LCN2: variants seen among roughly 807,000 people sequenced by gnomAD.
LCN2 encodes the protein lipocalin 2, also known as neutrophil gelatinase-associated lipocalin.
In LCN2, 27 loss-of-function variants were observed where a neutral mutation model predicts 26.4. The observed-to-expected ratio is 1.02, with a 90% CI of 0.76 to 1.41. The LOEUF (loss-of-function observed/expected upper bound fraction) is 1.41, where lower values mean the gene tolerates loss of function less well. Among genes scored for constraint, LCN2 ranks in the 40% most tolerant of loss-of-function variants. The pLI is 0.00. For synonymous variants in LCN2, 94 were observed against 98.9 expected, an observed-to-expected ratio of 0.95 and a Z score of 0.30; for missense variants, 224 against 237.6, an observed-to-expected ratio of 0.94 and a Z score of 0.38.
rs889515064 is a variant in LCN2, at chr9:128,149,550, G to C, written c.25G>C (p.Gly9Arg). The C allele has an allele frequency of 6.2e-7, 1 of 1,613,608 alleles. No individual in the cohort carries two copies. Among genetic ancestry groups the C allele is most frequent in the East Asian group, 2.2e-5 (1 of 44,866 alleles). Residue 9 changes from glycine (G) to arginine (R), a missense_variant, in exon 1 of 7, where the codon GGC (glycine) becomes CGC (arginine). Gly to Arg is a moderately radical substitution (Grantham distance 125). Transcript: ENST00000277480. MPLGLLWL[G>R]LALLGALHAQ... ...CATGCCCCTAGGTCTCCTGTGGCTG[G>C]GCCTAGCCCTGTTGGGGGCTCTGCA...
In LCN2 at chr9:128,152,245, G is replaced by T. The variant is rs1835016168; in HGVS notation, c.538G>T (p.Gly180Cys). 6.2e-7 allele frequency: 1 copy of T among 1,613,946 alleles called. No homozygotes were observed. The highest frequency in any genetic ancestry group is 1.3e-5 in the African/African-American group (1 of 74,936). Residue 180 changes from glycine to cysteine, a missense_variant, in exon 5 of 7, where the codon GGC becomes TGC. Coordinates refer to ENST00000277480, the MANE Select transcript of LCN2 (RefSeq NM_005564.5). ...CTTCATCCGCTTCTCCAAATCTCTGGGCCTCCCTGAAAACCACATCGTCTT... is the reference window on the plus strand; with the variant it reads ...CTTCATCCGCTTCTCCAAATCTCTGTGCCTCCCTGAAAACCACATCGTCTT... ...ENFIRFSKSL[G>C]LPENHIVFPV...
In LCN2 at chr9:128,152,302, T is replaced by C. The variant is rs113469275; in HGVS notation, c.577+18T>C. On this transcript the variant is annotated intron_variant, in intron 5 of 6. Coordinates refer to ENST00000277480, the MANE Select transcript of LCN2 (RefSeq NM_005564.5). The stretch of plus-strand genomic sequence containing the variant: ...CCCAATCGGTAATGGCCAGTCTGGA[T>C]GAGGGGACGGGGACATGGGGACTGT... 6.2e-6 allele frequency: 10 copies of C among 1,604,632 alleles called. No homozygotes were observed. The highest frequency in any genetic ancestry group is 3.3e-4 in the Middle Eastern group (2 of 6,050).
At position 128,153,178 on chromosome 9, in the gene LCN2, T is replaced by G; in HGVS notation, c.*7+52T>G. On this transcript the variant is annotated intron_variant, in intron 6 of 6. Transcript: ENST00000277480. The surrounding 1 kb of genome is among the most constrained non-coding windows in gnomAD (Gnocchi z 5.4). ...GGGCTTGTGGGAGGCCAGGGTGCAG[T>G]GGGCTGGGGGTCTTGGGCCTGCCTT... 6.2e-7 allele frequency: 1 copy of G among 1,609,818 alleles called. No individual in the cohort carries two copies. The highest frequency in any genetic ancestry group is 8.5e-7 in the Non-Finnish European group (1 of 1,176,852).
chr9:128,150,548 C>T (rs749908589), intron 2 of LCN2, 174 bp downstream of exon 2: 1 of 821,902 alleles, frequency 1.2e-6, no homozygotes. Context: ...TGCAGACACA[C>T]AGACAGTGGT....
At chr9:128,152,057 C>CAGGA in intron 4 of LCN2, 32 bp downstream of exon 4, 1 of 1,613,634 alleles carries the variant, frequency 6.2e-7, no homozygotes, top group Non-Finnish European at 8.5e-7. Context: ...CGGGGACTGG[C>CAGGA]TCCTGATCAC....
At chr9:128,152,401 T>A in intron 5 of LCN2, 117 bp downstream of exon 5, 6 of 888,426 alleles carry the variant, frequency 6.8e-6, no homozygotes, top group Non-Finnish European at 1.1e-5. Flanking sequence ...ACTGGAGCAG[T>A]GGATGGTCCA....
chr9:128,153,154 G>A lies in LCN2; in HGVS notation c.*7+28G>A, dbSNP rs1322345652. 23 of 1,613,834 alleles carry A rather than the reference G, an allele frequency of 1.4e-5. No homozygotes were observed. The highest frequency in any genetic ancestry group is 1.9e-5 in the Non-Finnish European group (23 of 1,179,922). The stretch of plus-strand genomic sequence containing the variant: ...GAGTGTGGCTGGGCGGCTGCGAGGG[G>A]GCTTGTGGGAGGCCAGGGTGCAGTG... On this transcript the variant is annotated intron_variant, in intron 6 of 6. Coordinates refer to ENST00000277480, the MANE Select transcript of LCN2 (RefSeq NM_005564.5). This position sits in a 1 kb window ranked among gnomAD's most constrained non-coding sequence, Gnocchi z 5.4.
chr9:128,151,444 C>T (rs888963668), intron 2 of LCN2, 194 bp from the exon 3 acceptor site: 2 of 627,412 alleles, frequency 3.2e-6, no homozygotes, highest in Admixed American at 5.4e-5. Flanking sequence ...CTGGTGTCAG[C>T]TCAGGGAGAA....
rs777669542 is a variant in LCN2 at position 128,151,701 on chromosome 9, G to A, written c.339G>A (p.Thr113=). 2.8e-5 allele frequency: 45 copies of A among 1,613,910 alleles called. No individual in the cohort carries two copies. The highest frequency in any genetic ancestry group is 1.5e-4 in the South Asian group (14 of 91,088). Residue 113 remains threonine, a synonymous_variant, in exon 3 of 7, where the codon ACG becomes ACA. Coordinates refer to ENST00000277480, the MANE Select transcript of LCN2 (RefSeq NM_005564.5). ...CAGGTTGCCAGCCCGGCGAGTTCACGCTGGGCAACATTAAGAGTGAGTCTT... is the reference window on the plus strand; with the variant it reads ...CAGGTTGCCAGCCCGGCGAGTTCACACTGGGCAACATTAAGAGTGAGTCTT... ...FVPGCQPGEF[T]LGNIKSYPGL...
At position 128,153,311 on chromosome 9, in the gene LCN2, G is replaced by C. The variant is rs1260371935; in HGVS notation, c.*8G>C. On this transcript the variant is annotated splice_region_variant and 3_prime_UTR_variant, in exon 7 of 7. Coordinates refer to ENST00000277480, the MANE Select transcript of LCN2 (RefSeq NM_005564.5). The surrounding 1 kb of genome is among the most constrained non-coding windows in gnomAD (Gnocchi z 5.4). The stretch of plus-strand genomic sequence containing the variant: ...CACCCTCATATCCACCTCTGTCCAG[G>C]GTGCCGCCAGCTGCCGCACCAGCCC... 2.9e-6 allele frequency: 2 copies of C among 695,820 alleles called. No homozygotes were observed. Among genetic ancestry groups the C allele is most frequent in the Non-Finnish European group, 4.9e-6 (2 of 404,172 alleles). 43.1% of individuals were successfully genotyped at this position (695,820 alleles called of 1,614,324 possible).
chr9:128,151,674 T>C lies in LCN2; in HGVS notation c.312T>C (p.Val104=). The C allele has an allele frequency of 6.2e-7, 1 of 1,614,100 alleles. No homozygotes were observed. Residue 104 remains valine (V), a synonymous_variant, in exon 3 of 7, where the codon GTT becomes GTC. Coordinates refer to ENST00000277480, the MANE Select transcript of LCN2 (RefSeq NM_005564.5). ...GTGACTACTGGATCAGGACTTTTGT[T>C]CCAGGTTGCCAGCCCGGCGAGTTCA... The part of the protein sequence containing the change: ...KKCDYWIRTF[V]PGCQPGEFTL...
At chr9:128,151,197 G>A (rs1052615322) in intron 2 of LCN2, among the ~76,000 whole-genome samples, 4 of 152,080 alleles carry the variant, frequency 2.6e-5, no homozygotes, top group African/African-American at 7.2e-5. Context: ...GGTTTGACCC[G>A]AGAGCTAGGG....
rs1470495540 is a variant in LCN2, at chr9:128,150,265, C to T, written c.166C>T (p.Leu56=). ...QFQGKWYVVG[L]AGNAILREDK... is the part of the protein sequence containing the mutation. ...CCAGGGGAAGTGGTATGTGGTAGGC[C>T]TGGCAGGGAATGCAATTCTCAGAGA... The change falls in exon 2 of 7, where the codon CTG becomes TTG. Residue 56 remains leucine (L), a synonymous_variant. Coordinates refer to ENST00000277480, the MANE Select transcript of LCN2 (RefSeq NM_005564.5). 6.2e-7 allele frequency: 1 copy of T among 1,614,056 alleles called. No homozygotes were observed. The highest frequency in any genetic ancestry group is 8.5e-7 in the Non-Finnish European group (1 of 1,180,006).
At position 128,153,180 on chromosome 9, in the gene LCN2, G is replaced by A. The variant is rs1829158231; in HGVS notation, c.*7+54G>A. 1 of 1,608,554 alleles carries A rather than the reference G, an allele frequency of 6.2e-7. No individual in the cohort carries two copies. Among genetic ancestry groups the A allele is most frequent in the African/African-American group, 1.3e-5 (1 of 74,758 alleles). On this transcript the variant is annotated intron_variant, in intron 6 of 6. Transcript: ENST00000277480. This position sits in a 1 kb window ranked among gnomAD's most constrained non-coding sequence, Gnocchi z 5.4. ...GCTTGTGGGAGGCCAGGGTGCAGTG[G>A]GCTGGGGGTCTTGGGCCTGCCTTTG...
At chr9:128,152,347 A>G in intron 5 of LCN2, 63 bp downstream of exon 5, 3 of 1,413,090 alleles carry the variant, frequency 2.1e-6, no homozygotes, top group Non-Finnish European at 3.0e-6. Flanking sequence ...ATGCTTCCCT[A>G]CCAGGGATCA....
rs1221594051 is a variant in LCN2, at chr9:128,149,482, G to A, written c.-44G>A. The A allele has an allele frequency of 6.6e-7, 1 of 1,526,656 alleles. No individual in the cohort carries two copies. The allele number at this position is 1,526,656 out of a possible 1,614,324, so 94.6% of individuals were successfully genotyped here. ...GCCACCTCCTCTTCCACCCCTGCCA[G>A]GCCCAGCAGCCACCACAGCGCCTGC... On this transcript the variant is annotated 5_prime_UTR_variant, in exon 1 of 7. Coordinates refer to ENST00000277480, the MANE Select transcript of LCN2 (RefSeq NM_005564.5).
intron 2 of LCN2, 110 bp from the exon 3 acceptor site, chr9:128,151,528 C>G: frequency 1.2e-6 from 1 of 848,958 alleles, no homozygotes; most frequent in Non-Finnish European, 2.0e-6. Flanking sequence ...CGGGTTGGGC[C>G]GGACTGAGAG....
At chr9:128,150,428 G>A (rs568115925) in intron 2 of LCN2, 54 bp downstream of exon 2, 15 of 1,612,188 alleles carry the variant, frequency 9.3e-6, no homozygotes, top group Admixed American at 6.7e-5. Flanking sequence ...TCACAGGCAA[G>A]GGATGGCCAA....
In LCN2 at chr9:128,152,249, T is replaced by C; in HGVS notation, c.542T>C (p.Leu181Pro). The change falls in exon 5 of 7, where the codon CTC becomes CCC. Residue 181 changes from leucine to proline, a missense_variant. Leu to Pro is a moderately conservative substitution (Grantham distance 98). Coordinates refer to ENST00000277480, the MANE Select transcript of LCN2 (RefSeq NM_005564.5). ...ATCCGCTTCTCCAAATCTCTGGGCC[T>C]CCCTGAAAACCACATCGTCTTCCCT... is the stretch of plus-strand genomic sequence containing the variant. Reference protein sequence around the residue: ...NFIRFSKSLGLPENHIVFPVP... With the variant: ...NFIRFSKSLGPPENHIVFPVP... 2 of 1,614,060 alleles carry C rather than the reference T, an allele frequency of 1.2e-6. No homozygotes were observed. Among genetic ancestry groups the C allele is most frequent in the Non-Finnish European group, 1.7e-6 (2 of 1,180,002 alleles).
Sources: allele counts gnomAD v4.1 joint callset (sites outside exome capture counted in the v4.1 genomes callset), GRCh38; gene constraint gnomAD v4.1.1; non-coding constraint Gnocchi (gnomAD v3.1); transcripts MANE v1.5; gene names NCBI Gene and HGNC (gene_info 2026-07-23, HGNC 2026-07-21).